Variants in CCZ1 observed in about 807,000 individuals in gnomAD.
CCZ1 encodes CCZ1 vacuolar protein trafficking and biogenesis associated.
Under a neutral mutation model 57.8 loss-of-function variants are expected in CCZ1, and 19 were observed. The observed-to-expected ratio is 0.33, with a 90% CI of 0.23 to 0.48. The LOEUF (loss-of-function observed/expected upper bound fraction) is 0.48. Ranked by LOEUF, CCZ1 falls within the 20% of genes least tolerant of loss-of-function variation. CCZ1 has a pLI of 0.99. For synonymous variants in CCZ1, 81 were observed against 167.0 expected (o/e 0.49, Z 3.97); for missense variants, 200 against 492.0 (o/e 0.41, Z 5.61).
At position 5,907,334 on chromosome 7, in the gene CCZ1, G is replaced by T. The variant is rs547649881; in HGVS notation, c.698+2065G>T. Among the ~76,000 whole-genome samples, 27 of 149,548 alleles carry T rather than the reference G, an allele frequency of 1.8e-4. 1 individual carries two copies. Among genetic ancestry groups the T allele is most frequent in the African/African-American group, 6.7e-4 (27 of 40,488 alleles). On this transcript the variant is annotated intron_variant, in intron 7 of 14. Transcript: ENST00000325974. ...GTAGCATCAGGTCTGCAGAGGGATG[G>T]CTCCTCCACAGATGGAAATGACAGG...
At chr7:5,899,795 C>T (rs904010421) in intron 1 of CCZ1, among the ~76,000 whole-genome samples, 2 of 151,912 alleles carry the variant, frequency 1.3e-5, no homozygotes, top group Non-Finnish European at 2.9e-5. Flanking sequence ...CTTGTCAGTT[C>T]AAATGGCTGG....
chr7:5,912,751 TG>T (rs1425953023), intron 9 of CCZ1, 91 bp from the exon 10 acceptor site: 2 of 1,196,128 alleles, frequency 1.7e-6, no homozygotes, highest in Non-Finnish European at 2.5e-6. Context: ...CAAAAGCAAC[TG>T]GTGTGTATGA....
chr7:5,903,146 G>C (rs2528317), intron 6 of CCZ1, among the ~76,000 whole-genome samples: 1 of 148,780 alleles, frequency 6.7e-6, no homozygotes, highest in African/African-American at 2.5e-5. Flanking sequence ...AAACGGGCGT[G>C]AACCGTCTTG....
intron 7 of CCZ1, among the ~76,000 whole-genome samples, chr7:5,909,280 A>T (rs71524062): frequency 0.2 from 28,095 of 142,976 alleles, 3,913 homozygotes; most frequent in East Asian, 0.75. Flanking sequence ...AAGCACCAGT[A>T]GTCCCAGCTA....
chr7:5,899,334 G>GGGTGTGTGGGTGTGT (rs1781626415), intron 1 of CCZ1, among the ~76,000 whole-genome samples: 4 of 12,554 alleles, frequency 3.2e-4, no homozygotes, highest in African/African-American at 1.1e-3. Context: ...TCGGGAGGGG[G>GGGTGTGTGGGTGTGT]GTGTGTGTGT....
At chr7:5,903,517 A>G (rs1293680470) in intron 6 of CCZ1, among the ~76,000 whole-genome samples, 3 of 95,208 alleles carry the variant, frequency 3.2e-5, no homozygotes, top group Non-Finnish European at 6.2e-5. Flanking sequence ...TTTCATAGCT[A>G]TTTTTGAATT....
chr7:5,902,313 A>C, intron 5 of CCZ1: 1 of 220,310 alleles, frequency 4.5e-6, no homozygotes, highest in Non-Finnish European at 8.7e-6. Context: ...AAAAAAAAAA[A>C]AGGATAAAAA....
rs1554282096 is a variant in CCZ1 at position 5,909,121 on chromosome 7, T to TA, written c.699-913dup. Among the ~76,000 whole-genome samples the TA allele has an allele frequency of 5.2e-4, 76 of 144,924 alleles. 1 individual carries two copies. The highest frequency in any genetic ancestry group is 6.2e-4 in the Non-Finnish European group (41 of 66,522). ...TCCCTTGTGACTTTTTTTTTTTTTT[T>TA]ATCTCAAATGGCATGTAAAATACAG... On this transcript the variant is annotated intron_variant, in intron 7 of 14. Coordinates refer to ENST00000325974, the MANE Select transcript of CCZ1 (RefSeq NM_015622.6).
chr7:5,910,211 T>G, intron 8 of CCZ1, 95 bp downstream of exon 8: 1 of 1,048,056 alleles, frequency 9.5e-7, no homozygotes, highest in Non-Finnish European at 1.4e-6. Context: ...TTTCTGATCG[T>G]TTCTGATGTA....
intron 10 of CCZ1, among the ~76,000 whole-genome samples, chr7:5,915,502 T>G (rs1408721495): frequency 7.1e-6 from 1 of 140,966 alleles, no homozygotes; most frequent in Non-Finnish European, 1.6e-5. Context: ...ATGATGGGAT[T>G]GTGGCTATGT....
At chr7:5,909,234 CAGGTGGTG>C (rs1388273228) in intron 7 of CCZ1, among the ~76,000 whole-genome samples, 13 of 148,934 alleles carry the variant, frequency 8.7e-5, no homozygotes, top group Non-Finnish European at 1.6e-4. Flanking sequence ...ACTTCGCAGT[CAGGTGGTG>C]AGCCTCTTGA....
chr7:5,914,383 C>T (rs1779107981), intron 10 of CCZ1, among the ~76,000 whole-genome samples: 2 of 148,968 alleles, frequency 1.3e-5, no homozygotes, highest in Admixed American at 1.3e-4. Flanking sequence ...CTGCAATGAG[C>T]TATGATCACA....
rs1206921952 is a variant in CCZ1 at position 5,912,903 on chromosome 7, T to A, written c.903T>A (p.Ile301=). Residue 301 remains isoleucine, a synonymous_variant, in exon 10 of 15, where the codon ATT becomes ATA. Transcript: ENST00000325974. ...DPDAKCRFPK[I]FVNTDDTYEE... ...ATGCAAAATGCAGATTCCCCAAAAT[T>A]TTTGTAAATACAGATGACACTTATG... 1 of 1,605,500 alleles carries A rather than the reference T, an allele frequency of 6.2e-7. No individual in the cohort carries two copies. The highest frequency in any genetic ancestry group is 1.1e-5 in the South Asian group (1 of 90,612).
At chr7:5,916,498 G>GTTTTTTTTTTTTTTTTTTTTTTTTT (rs764065119) in intron 10 of CCZ1, among the ~76,000 whole-genome samples, 2 of 110,962 alleles carry the variant, frequency 1.8e-5, no homozygotes, top group Non-Finnish European at 3.8e-5. Context: ...TTTTTGTTTT[G>GTTTTTTTTTTTTTTTTTTTTTTTTT]TTTTTTGTTT....
At chr7:5,909,930 A>C (rs1434162302) in intron 7 of CCZ1, 105 bp from the exon 8 acceptor site, 1 of 829,084 alleles carries the variant, frequency 1.2e-6, no homozygotes, top group Non-Finnish European at 1.9e-6. Context: ...TGTGTTACTA[A>C]AAATGACTTG....
intron 7 of CCZ1, among the ~76,000 whole-genome samples, chr7:5,905,781 CAAA>C (rs796636886): frequency 5.9e-4 from 26 of 44,356 alleles, no homozygotes; most frequent in South Asian, 4.3e-3. Flanking sequence ...ACTCTGTCTC[CAAA>C]AAAAAAAAAA....
At position 5,925,927 on chromosome 7, in the gene CCZ1, A is replaced by AT. The variant is rs1370901421; in HGVS notation, c.*241dup. ...ATTTCATTCTTTTGACATTATGTGA[A>AT]TATTTTACTGGAAAATAAGACTAAT... On this transcript the variant is annotated 3_prime_UTR_variant, in exon 15 of 15. Coordinates refer to ENST00000325974, the MANE Select transcript of CCZ1 (RefSeq NM_015622.6). 1.4e-6 allele frequency: 1 copy of AT among 703,506 alleles called. No homozygotes were observed. Among genetic ancestry groups the AT allele is most frequent in the East Asian group, 2.7e-5 (1 of 36,728 alleles). 43.6% of individuals were successfully genotyped at this position (703,506 alleles called of 1,614,324 possible).
intron 7 of CCZ1, among the ~76,000 whole-genome samples, chr7:5,905,781 CAAAAAAAAAAAAAA>C (rs796636886): frequency 1.1e-4 from 5 of 44,374 alleles, no homozygotes; most frequent in African/African-American, 3.5e-4. Context: ...ACTCTGTCTC[CAAAAAAAAAAAAAA>C]AAAAAAAAAA....
chr7:5,925,194 C>CT (rs753687307), intron 14 of CCZ1, among the ~76,000 whole-genome samples: 1,398 of 46,540 alleles, frequency 0.03, no homozygotes, highest in Middle Eastern at 0.066. Context: ...TTTTTCCCCT[C>CT]TTCTACTTGT....
Sources: gnomAD v4.1 joint callset for allele counts (sites outside exome capture counted in the v4.1 genomes callset) on GRCh38, gnomAD v4.1.1 for gene constraint, MANE v1.5 for transcripts, NCBI Gene and HGNC (gene_info 2026-07-23, HGNC 2026-07-21) for gene names.